CHRM2: variants seen among roughly 807,000 people sequenced by gnomAD.
CHRM2 encodes muscarinic acetylcholine receptor M2.
A neutral mutation model predicts 25.0 loss-of-function variants in CHRM2; 8 were observed. The observed-to-expected ratio is 0.32, with a 90% CI of 0.19 to 0.58. CHRM2 has a LOEUF of 0.58. CHRM2 is among the 20% of genes least tolerant of loss of function. The pLI is 0.88. For missense variants in CHRM2, 440 were observed against 567.1 expected, an observed-to-expected ratio of 0.78 and a Z score of 2.28; for synonymous variants, 202 against 205.7, an observed-to-expected ratio of 0.98 and a Z score of 0.15.
chr7:136,974,693 A>G (rs977001595), intron 2 of CHRM2, among the ~76,000 whole-genome samples: 2 of 152,210 alleles, frequency 1.3e-5, no homozygotes, highest in African/African-American at 4.8e-5. Context: ...GCAGCTGGGA[A>G]GATGTCATTG....
At chr7:137,014,756 A>G in intron 3 of CHRM2, 64 bp from the exon 4 acceptor site, 2 of 1,005,642 alleles carry the variant, frequency 2.0e-6, no homozygotes, top group South Asian at 1.5e-5. Context: ...AAGGAGAAAC[A>G]ACATTATGTA....
intron 2 of CHRM2, among the ~76,000 whole-genome samples, chr7:136,878,236 T>G (rs1016108763): frequency 1.3e-5 from 2 of 152,008 alleles, no homozygotes; most frequent in Admixed American, 1.3e-4. Context: ...GGCCAAAGCA[T>G]GTTTCCCAGA....
chr7:136,983,342 T>C (rs1802615564), intron 2 of CHRM2, among the ~76,000 whole-genome samples: 1 of 151,790 alleles, frequency 6.6e-6, no homozygotes, highest in Admixed American at 6.6e-5. Context: ...AGCAATTTTA[T>C]CAAGTTTCTT....
chr7:136,938,374 A>G, intron 2 of CHRM2: 4 of 1,588,562 alleles, frequency 2.5e-6, no homozygotes, highest in Non-Finnish European at 3.4e-6. Context: ...CTTGGTCTCC[A>G]GCATCTTGTT....
intron 2 of CHRM2, among the ~76,000 whole-genome samples, chr7:136,971,618 C>CAAAA (rs10708408): frequency 8.6e-5 from 8 of 92,926 alleles, no homozygotes; most frequent in Admixed American, 2.4e-4. Flanking sequence ...CTCTGTTTCA[C>CAAAA]AAAAAAAAAA....
At chr7:136,926,115 A>T (rs1798733942) in intron 2 of CHRM2, among the ~76,000 whole-genome samples, 1 of 152,136 alleles carries the variant, frequency 6.6e-6, no homozygotes, top group South Asian at 2.1e-4. Flanking sequence ...GTGCATGCCT[A>T]CAGTCCCAGC....
At chr7:136,995,532 G>A (rs527768835) in intron 3 of CHRM2, among the ~76,000 whole-genome samples, 7 of 152,262 alleles carry the variant, frequency 4.6e-5, no homozygotes, top group Middle Eastern at 3.4e-3. Context: ...GGAGGCCAAA[G>A]TGAGAGAATC....
chr7:136,965,947 T>A (rs1384373416), intron 2 of CHRM2, among the ~76,000 whole-genome samples: 1 of 151,998 alleles, frequency 6.6e-6, no homozygotes, highest in Non-Finnish European at 1.5e-5. Context: ...AAGCCTTTAT[T>A]TGAAGAAAGA....
At chr7:136,912,392 A>C (rs1797890959) in intron 2 of CHRM2, among the ~76,000 whole-genome samples, 1 of 151,958 alleles carries the variant, frequency 6.6e-6, no homozygotes, top group South Asian at 2.1e-4. Flanking sequence ...TTGCTGATCC[A>C]TGTATATCAT....
chr7:136,947,775 CAGGTAAGAG>C (rs1773949786), intron 2 of CHRM2, among the ~76,000 whole-genome samples: 1 of 152,056 alleles, frequency 6.6e-6, no homozygotes, highest in Non-Finnish European at 1.5e-5. Flanking sequence ...ATATTCAGTG[CAGGTAAGAG>C]AGGCTGGCTT....
intron 2 of CHRM2, among the ~76,000 whole-genome samples, chr7:136,959,161 T>G (rs978557718): frequency 6.6e-6 from 1 of 152,236 alleles, no homozygotes; most frequent in Non-Finnish European, 1.5e-5. Flanking sequence ...TATCCTCTAA[T>G]AGTGCTCTCT....
intron 2 of CHRM2, among the ~76,000 whole-genome samples, chr7:136,943,773 G>A (rs2130826507): frequency 6.6e-6 from 1 of 151,904 alleles, no homozygotes; most frequent in South Asian, 2.1e-4. Flanking sequence ...GATTGAGATG[G>A]TCCATAGCTC....
intron 2 of CHRM2, among the ~76,000 whole-genome samples, chr7:136,932,629 G>T (rs1309640022): frequency 6.6e-6 from 1 of 152,068 alleles, no homozygotes; most frequent in African/African-American, 2.4e-5. Flanking sequence ...AACTAAAATG[G>T]ATCATAGATA....
chr7:136,985,838 T>C (rs1317538374), intron 2 of CHRM2, among the ~76,000 whole-genome samples: 1 of 152,164 alleles, frequency 6.6e-6, no homozygotes, highest in Non-Finnish European at 1.5e-5. Flanking sequence ...TAAACAGAAT[T>C]TATAATAACA....
intron 3 of CHRM2, among the ~76,000 whole-genome samples, chr7:137,009,895 C>T (rs565638243): frequency 9.3e-4 from 141 of 151,882 alleles, no homozygotes; most frequent in Middle Eastern, 3.4e-3. Context: ...TCTAACCCTG[C>T]GCCCCATACC....
At chr7:136,958,211 G>A (rs1281675270) in intron 2 of CHRM2, among the ~76,000 whole-genome samples, 1 of 152,166 alleles carries the variant, frequency 6.6e-6, no homozygotes, top group African/African-American at 2.4e-5. Context: ...CTTAGAGTTG[G>A]TAAGAGAAGA....
intron 2 of CHRM2, among the ~76,000 whole-genome samples, chr7:136,984,915 G>A (rs1319085906): frequency 2.6e-5 from 4 of 152,108 alleles, no homozygotes; most frequent in Non-Finnish European, 5.9e-5. Flanking sequence ...GAATCCTAGA[G>A]CATCTTTAAT....
At chr7:136,963,467 T>C (rs1801221483) in intron 2 of CHRM2, among the ~76,000 whole-genome samples, 1 of 152,178 alleles carries the variant, frequency 6.6e-6, no homozygotes, top group Non-Finnish European at 1.5e-5. Context: ...AAGATGTTCA[T>C]AGGATTTCAG....
chr7:136,947,577 G>A (rs185652951), intron 2 of CHRM2, among the ~76,000 whole-genome samples: 3 of 152,096 alleles, frequency 2.0e-5, no homozygotes, highest in Admixed American at 2.0e-4. Flanking sequence ...TGCCCAGGAG[G>A]CCTCTTTATG....
Sources: gnomAD v4.1 joint callset for allele counts (sites outside exome capture counted in the v4.1 genomes callset) on GRCh38, gnomAD v4.1.1 for gene constraint, MANE v1.5 for transcripts, NCBI Gene and HGNC (gene_info 2026-07-23, HGNC 2026-07-21) for gene names.